Variants in TFAP2E observed in about 807,000 individuals in gnomAD.
The protein encoded by TFAP2E is transcription factor AP-2 epsilon, also known as transcription factor AP-2-epsilon.
TFAP2E carries 30 observed loss-of-function variants against 37.9 expected under a neutral mutation model. The observed-to-expected ratio is 0.79, with a 90% CI of 0.59 to 1.07. The LOEUF is 1.07. Among genes scored for constraint, TFAP2E ranks in the 50% least tolerant of loss-of-function variants. TFAP2E has a pLI of 0.00. For synonymous variants in TFAP2E, 318 were observed against 295.8 expected, an observed-to-expected ratio of 1.08 and a Z score of -0.77; for missense variants, 567 against 637.9, an observed-to-expected ratio of 0.89 and a Z score of 1.20.
chr1:35,593,191 A>C (rs1436940107), intron 6 of TFAP2E, among the ~76,000 whole-genome samples: 1 of 152,092 alleles, frequency 6.6e-6, no homozygotes, highest in Non-Finnish European at 1.5e-5. Flanking sequence ...CTAAAAAAAA[A>C]TTAGCCAGGA....
Position 35,594,865 on chromosome 1 carries a change from T to C in TFAP2E, c.*189T>C, listed in dbSNP as rs186721490. 2 of 798,736 alleles carry C rather than the reference T, an allele frequency of 2.5e-6. No individual in the cohort carries two copies. Among genetic ancestry groups the C allele is most frequent in the Admixed American group, 5.8e-5 (2 of 34,542 alleles). 49.5% of individuals were successfully genotyped at this position (798,736 alleles called of 1,614,324 possible). On this transcript the variant is annotated 3_prime_UTR_variant, in exon 7 of 7. Transcript: ENST00000373235. ...GGGTGGCCTCTCTGTGGTGGTGTGT[T>C]GGTAAGTTAAGGGCCCAGGTATTTG...
At position 35,574,207 on chromosome 1, in the gene TFAP2E, C is replaced by T; in HGVS notation, c.308C>T (p.Pro103Leu). ...PQPPQAAWAA[P>L]RAAARAHEEP... is the part of the protein sequence containing the mutation. The stretch of plus-strand genomic sequence containing the variant: ...CCTCCTCAGGCCGCCTGGGCCGCGC[C>T]CCGCGCAGCCGCCCGCGCCCACGAG... The change falls in exon 2 of 7, where the codon CCC (proline) becomes CTC (leucine). Residue 103 changes from proline to leucine, a missense_variant. Physicochemically the swap from Pro to Leu is moderately conservative, Grantham distance 98 (BLOSUM62 -3). This residue lies in a region of TFAP2E where 312 missense variants were observed against 317.4 expected (regional missense o/e 0.98). Transcript: ENST00000373235. 2 of 1,254,150 alleles carry T rather than the reference C, an allele frequency of 1.6e-6. No homozygotes were observed. The highest frequency in any genetic ancestry group is 3.8e-5 in the South Asian group (2 of 52,940). The allele number at this position is 1,254,150 out of a possible 1,614,324, so 77.7% of individuals were successfully genotyped here.
At position 35,590,494 on chromosome 1, in the gene TFAP2E, G is replaced by GAATGATAC; in HGVS notation, c.905-140_905-139insAATGATAC. The GAATGATAC allele has an allele frequency of 1.9e-6, 2 of 1,064,784 alleles. No individual in the cohort carries two copies. Among genetic ancestry groups the GAATGATAC allele is most frequent in the South Asian group, 2.7e-5 (1 of 36,434 alleles). The allele number at this position is 1,064,784 out of a possible 1,614,324, so 66.0% of individuals were successfully genotyped here. Reference sequence around the variant, plus strand: ...GGGCAATGGAATGGGGGCTGGAGCTGGGCTGGGAAGGAACATCAGAGGGGG... The same window carrying GAATGATAC: ...GGGCAATGGAATGGGGGCTGGAGCTGAATGATACGGCTGGGAAGGAACATCAGAGGGGG... On this transcript the variant is annotated intron_variant, in intron 5 of 6. Coordinates refer to ENST00000373235, the MANE Select transcript of TFAP2E (RefSeq NM_178548.4). The surrounding 1 kb of genome is among the most constrained non-coding windows in gnomAD (Gnocchi z 6.2).
intron 6 of TFAP2E, among the ~76,000 whole-genome samples, chr1:35,591,896 C>T (rs975292986): frequency 1.3e-5 from 2 of 152,154 alleles, no homozygotes; most frequent in Non-Finnish European, 2.9e-5. Flanking sequence ...CCATGTTGGC[C>T]AGGCTGGTCT....
In TFAP2E at chr1:35,589,493, CGTGT is replaced by C. The variant is rs67449985; in HGVS notation, c.786-419_786-416del. ...GGTTCTATGTGTCTCTATTCTTTCA[CGTGT>C]GTGTGTGTGTGTGTGTGAGAGAGTC... On this transcript the variant is annotated intron_variant, in intron 4 of 6. Transcript: ENST00000373235. 2.7e-4 allele frequency among the ~76,000 whole-genome samples: 32 copies of C among 118,380 alleles called. No homozygotes were observed. The South Asian group carries it at 3.5e-3, about 13-fold the overall frequency. The allele number at this position is 118,380 out of a possible 152,430, so 77.7% of individuals were successfully genotyped here.
At chr1:35,594,084 A>G (rs1054389420) in intron 6 of TFAP2E, among the ~76,000 whole-genome samples, 1 of 152,176 alleles carries the variant, frequency 6.6e-6, no homozygotes, top group Admixed American at 6.6e-5. Context: ...GGAATCCAGG[A>G]AAGTTTCCTA....
intron 3 of TFAP2E, among the ~76,000 whole-genome samples, chr1:35,575,753 T>C (rs1175179724): frequency 6.6e-6 from 1 of 152,080 alleles, no homozygotes. Context: ...ATATGTACAG[T>C]ATCTCTGTTG....
In TFAP2E at chr1:35,594,765, G is replaced by A. The variant is rs1649785036; in HGVS notation, c.*89G>A. The A allele has an allele frequency of 1.3e-6, 2 of 1,568,646 alleles. No homozygotes were observed. Among genetic ancestry groups the A allele is most frequent in the East Asian group, 2.2e-5 (1 of 44,648 alleles). On this transcript the variant is annotated 3_prime_UTR_variant, in exon 7 of 7. Coordinates refer to ENST00000373235, the MANE Select transcript of TFAP2E (RefSeq NM_178548.4). Reference sequence around the variant, plus strand: ...GGTGGGCCTGGAAGGACTGAAAGGTGGGATTAGAGTCAGGCCAGAAAGAGA... The same window carrying A: ...GGTGGGCCTGGAAGGACTGAAAGGTAGGATTAGAGTCAGGCCAGAAAGAGA...
intron 2 of TFAP2E, 31 bp from the exon 3 acceptor site, chr1:35,574,918 C>T: frequency 1.2e-6 from 2 of 1,613,326 alleles, no homozygotes; most frequent in Admixed American, 1.7e-5. Flanking sequence ...GGGCTTTATG[C>T]GCCCTCACCG....
Position 35,573,768 on chromosome 1 carries a change from C to CT in TFAP2E, c.28-158dup. ...TGCGCAAGTGACCGCTGTCCCCAGC[C>CT]TGAGGCTCCTGCGCCCGCGGGTGGC... On this transcript the variant is annotated intron_variant, in intron 1 of 6. Transcript: ENST00000373235. This position sits in a 1 kb window ranked among gnomAD's most constrained non-coding sequence, Gnocchi z 5.9. 7.3e-7 allele frequency: 1 copy of CT among 1,374,714 alleles called. No homozygotes were observed. The highest frequency in any genetic ancestry group is 3.1e-5 in the Admixed American group (1 of 31,828). 85.2% of individuals were successfully genotyped at this position (1,374,714 alleles called of 1,614,324 possible). A position where few individuals can be genotyped will look rare whatever the true frequency, so the allele number is the denominator to read the frequency against.
In TFAP2E at chr1:35,573,738, C is replaced by T. The variant is rs1238339206; in HGVS notation, c.27+134C>T. ...CCGCAGGGACTTCGCCAGCTGAGAA[C>T]GCGATGCGCAAGTGACCGCTGTCCC... On this transcript the variant is annotated intron_variant, in intron 1 of 6. Transcript: ENST00000373235. This position sits in a 1 kb window ranked among gnomAD's most constrained non-coding sequence, Gnocchi z 5.9. 2.0e-5 allele frequency: 29 copies of T among 1,420,672 alleles called. No homozygotes were observed. Among genetic ancestry groups the T allele is most frequent in the East Asian group, 5.8e-5 (2 of 34,428 alleles). 88.0% of individuals were successfully genotyped at this position (1,420,672 alleles called of 1,614,324 possible). A position where few individuals can be genotyped will look rare whatever the true frequency, so the allele number is the denominator to read the frequency against.
chr1:35,575,286 T>A (rs1159680630), intron 3 of TFAP2E, among the ~76,000 whole-genome samples: 2 of 152,226 alleles, frequency 1.3e-5, no homozygotes. Context: ...GATCTGGAGT[T>A]GATTTGCAGA....
chr1:35,574,130 C>T lies in TFAP2E; in HGVS notation c.231C>T (p.Pro77=), dbSNP rs1238492216. 3 of 1,453,622 alleles carry T rather than the reference C, an allele frequency of 2.1e-6. No homozygotes were observed. Among genetic ancestry groups the T allele is most frequent in the Non-Finnish European group, 2.7e-6 (3 of 1,104,578 alleles). 90.0% of individuals were successfully genotyped at this position (1,453,622 alleles called of 1,614,324 possible). A position where few individuals can be genotyped will look rare whatever the true frequency, so the allele number is the denominator to read the frequency against. ...GQAPDAAAAF[P]HLAGDPYGGL... ...CGCCCGACGCCGCCGCAGCCTTTCC[C>T]CACCTGGCAGGGGACCCATATGGCG... is the stretch of plus-strand genomic sequence containing the variant. The change falls in exon 2 of 7, where the codon CCC becomes CCT. Residue 77 remains proline (P), a synonymous_variant. Coordinates refer to ENST00000373235, the MANE Select transcript of TFAP2E (RefSeq NM_178548.4).
In TFAP2E at chr1:35,594,829, G is replaced by A. The variant is rs922777165; in HGVS notation, c.*153G>A. 9.2e-5 allele frequency: 107 copies of A among 1,164,008 alleles called. No homozygotes were observed. The highest frequency in any genetic ancestry group is 7.1e-4 in the Admixed American group (26 of 36,692). The allele number at this position is 1,164,008 out of a possible 1,614,324, so 72.1% of individuals were successfully genotyped here. A position where few individuals can be genotyped will look rare whatever the true frequency, so the allele number is the denominator to read the frequency against. ...GATCCCAGAGTTGGGGATCTGGCTT[G>A]GAGTAAGGGAGGGTGGCCTCTCTGT... On this transcript the variant is annotated 3_prime_UTR_variant, in exon 7 of 7. Coordinates refer to ENST00000373235, the MANE Select transcript of TFAP2E (RefSeq NM_178548.4).
Position 35,588,619 on chromosome 1 carries a change from A to T in TFAP2E, c.785+67A>T, listed in dbSNP as rs1571107231. On this transcript the variant is annotated intron_variant, in intron 4 of 6. Transcript: ENST00000373235. This position sits in a 1 kb window ranked among gnomAD's most constrained non-coding sequence, Gnocchi z 5.1. ...TGGCCTCTTCAGGCCTTCTCAAGGC[A>T]TCAGAGAGGAGGCCAGTCTCACCTA... The T allele has an allele frequency of 6.8e-7, 1 of 1,460,014 alleles. No individual in the cohort carries two copies. Among genetic ancestry groups the T allele is most frequent in the East Asian group, 2.3e-5 (1 of 43,506 alleles). 90.4% of individuals were successfully genotyped at this position (1,460,014 alleles called of 1,614,324 possible).
At chr1:35,575,527 G>A (rs1484937511) in intron 3 of TFAP2E, among the ~76,000 whole-genome samples, 1 of 152,196 alleles carries the variant, frequency 6.6e-6, no homozygotes, top group Non-Finnish European at 1.5e-5. Context: ...AGTACTGTGT[G>A]TTAGGCTGTG....
At position 35,594,299 on chromosome 1, in the gene TFAP2E, T is replaced by C. The variant is rs973815459; in HGVS notation, c.1047-95T>C. 8.2e-6 allele frequency: 12 copies of C among 1,467,368 alleles called. No individual in the cohort carries two copies. In the Admixed American group the frequency reaches 1.6e-4, roughly 19 times the overall value. 90.9% of individuals were successfully genotyped at this position (1,467,368 alleles called of 1,614,324 possible). ...AGACTGTTGGGAGGGTCAGCAATTGTGTAGCTAATGTCTGTAAAATGCCTA... is the reference window on the plus strand; with the variant it reads ...AGACTGTTGGGAGGGTCAGCAATTGCGTAGCTAATGTCTGTAAAATGCCTA... On this transcript the variant is annotated intron_variant, in intron 6 of 6. Coordinates refer to ENST00000373235, the MANE Select transcript of TFAP2E (RefSeq NM_178548.4).
At position 35,589,955 on chromosome 1, in the gene TFAP2E, T is replaced by C. The variant is rs750031044; in HGVS notation, c.811T>C (p.Cys271Arg). ...RRAKSKNGGR[C>R]LRERLEKIGL... is the part of the protein sequence containing the mutation. ...GGCCAAGTCCAAAAATGGGGGCCGGTGTTTGCGGGAACGGTTAGAGAAGAT... is the reference window on the plus strand; with the variant it reads ...GGCCAAGTCCAAAAATGGGGGCCGGCGTTTGCGGGAACGGTTAGAGAAGAT... Residue 271 changes from cysteine to arginine, a missense_variant, in exon 5 of 7, where the codon TGT (cysteine) becomes CGT (arginine). Coordinates refer to ENST00000373235, the MANE Select transcript of TFAP2E (RefSeq NM_178548.4). 3.1e-6 allele frequency: 5 copies of C among 1,614,046 alleles called. No individual in the cohort carries two copies. The highest frequency in any genetic ancestry group is 4.5e-5 in the East Asian group (2 of 44,880).
chr1:35,588,429 T>A lies in TFAP2E; in HGVS notation c.662T>A (p.Val221Glu). 6.2e-7 allele frequency: 1 copy of A among 1,612,100 alleles called. No individual in the cohort carries two copies. The highest frequency in any genetic ancestry group is 8.5e-7 in the Non-Finnish European group (1 of 1,179,968). Residue 221 changes from valine (V) to glutamate (E), a missense_variant, in exon 4 of 7, where the codon GTG (valine) becomes GAG (glutamate). Val to Glu is a moderately radical substitution (Grantham distance 121). Around this residue, in one of 3 missense-constraint regions of TFAP2E, gnomAD observed 252 missense variants for 302.6 expected, o/e 0.83. Coordinates refer to ENST00000373235, the MANE Select transcript of TFAP2E (RefSeq NM_178548.4). The surrounding 1 kb of genome is among the most constrained non-coding windows in gnomAD (Gnocchi z 5.1). ...AATCCTGGTGAGGTCTTCTGCTCCG[T>A]GCCCGGCCGGCTTTCACTGCTCAGC... Reference protein sequence around the residue: ...ITNPGEVFCSVPGRLSLLSST... With the variant: ...ITNPGEVFCSEPGRLSLLSST...
Sources: allele counts gnomAD v4.1 joint callset (sites outside exome capture counted in the v4.1 genomes callset), GRCh38; gene constraint gnomAD v4.1.1; regional missense constraint gnomAD v4.1.1; non-coding constraint Gnocchi (gnomAD v3.1); transcripts MANE v1.5; gene names NCBI Gene and HGNC (gene_info 2026-07-23, HGNC 2026-07-21).